The following RABGAP1 variants were observed in gnomAD, a reference collection of about 807,000 sequenced individuals.
RABGAP1 encodes RAB GTPase activating protein 1.
Under a neutral mutation model 137.6 loss-of-function variants are expected in RABGAP1, and 23 were observed. The ratio of observed to expected loss-of-function variants is 0.17; its 90% CI spans 0.12 to 0.24. The LOEUF (loss-of-function observed/expected upper bound fraction) is 0.24. Ranked by LOEUF, RABGAP1 falls within the 10% of genes least tolerant of loss-of-function variation. The pLI is 1.00. For missense variants in RABGAP1, 906 were observed against 1,275.8 expected (o/e 0.71, Z 4.42); for synonymous variants, 451 against 450.7 (o/e 1.00, Z -0.01).
At chr9:122,985,395 A>G (rs1420673931) in intron 3 of RABGAP1, among the ~76,000 whole-genome samples, 2 of 152,198 alleles carry the variant, frequency 1.3e-5, no homozygotes, top group African/African-American at 2.4e-5. Context: ...CAGGTGGATC[A>G]CAAGGTCAGG....
At chr9:123,029,302 C>A in intron 13 of RABGAP1, 3 of 590,380 alleles carry the variant, frequency 5.1e-6, no homozygotes, top group African/African-American at 1.9e-5. Flanking sequence ...GTTAATTAAT[C>A]AATGTTTAAA....
intron 24 of RABGAP1, 39 bp from the exon 25 acceptor site, chr9:123,101,527 C>T: frequency 6.3e-7 from 1 of 1,582,726 alleles, no homozygotes; most frequent in Non-Finnish European, 8.6e-7. Flanking sequence ...AGGGCCAGTT[C>T]CTCTTCTTTG....
At chr9:122,975,471 G>A (rs551523430) in intron 2 of RABGAP1, among the ~76,000 whole-genome samples, 11 of 152,286 alleles carry the variant, frequency 7.2e-5, no homozygotes, top group East Asian at 1.9e-4. Flanking sequence ...CAATTCTACC[G>A]TATAAGATAT....
intron 1 of RABGAP1, among the ~76,000 whole-genome samples, chr9:122,949,693 C>CAAAAA (rs60115483): frequency 1.8e-5 from 1 of 54,816 alleles, no homozygotes; most frequent in African/African-American, 5.7e-5. Flanking sequence ...GACTCTGTCT[C>CAAAAA]AAAAAAAAAA....
At chr9:123,069,135 T>C (rs527431423) in intron 14 of RABGAP1, among the ~76,000 whole-genome samples, 1 of 152,304 alleles carries the variant, frequency 6.6e-6, no homozygotes, top group South Asian at 2.1e-4. Context: ...CAATATTCTA[T>C]TCAAAATAAT....
chr9:123,018,323 A>G (rs1398252889), intron 12 of RABGAP1, among the ~76,000 whole-genome samples: 2 of 152,264 alleles, frequency 1.3e-5, no homozygotes, highest in Non-Finnish European at 1.5e-5. Context: ...AATATTATCA[A>G]TGAGATGAAA....
chr9:122,960,487 C>T (rs573365940), intron 2 of RABGAP1, among the ~76,000 whole-genome samples: 6 of 152,278 alleles, frequency 3.9e-5, no homozygotes, highest in African/African-American at 1.4e-4. Context: ...ACAATGGAAT[C>T]TACAAAAATC....
chr9:123,089,783 A>G lies in RABGAP1; in HGVS notation c.2450A>G (p.Tyr817Cys), dbSNP rs537081519. Residue 817 changes from tyrosine (Y) to cysteine (C), a missense_variant, in exon 20 of 26, where the codon TAC becomes TGC. Physicochemically the swap from Tyr to Cys is radical, Grantham distance 194. Transcript: ENST00000373647. ...ATTAGTCAGAAGAAGTTGAAAAAAT[A>G]CGAGAAAGAATATCACACCATGAGG... ...MKISQKKLKK[Y>C]EKEYHTMREQ... The G allele has an allele frequency of 6.2e-7, 1 of 1,613,572 alleles. No individual in the cohort carries two copies. Among genetic ancestry groups the G allele is most frequent in the African/African-American group, 1.3e-5 (1 of 75,006 alleles).
intron 1 of RABGAP1, among the ~76,000 whole-genome samples, chr9:122,949,038 A>G (rs1834084830): frequency 6.6e-6 from 1 of 152,174 alleles, no homozygotes. Flanking sequence ...TATACTCAGT[A>G]ATTGCTTCTG....
At chr9:123,043,866 T>TTTGACC in intron 13 of RABGAP1, among the ~76,000 whole-genome samples, 1 of 152,220 alleles carries the variant, frequency 6.6e-6, no homozygotes, top group Non-Finnish European at 1.5e-5. Flanking sequence ...CTTTGTACTG[T>TTTGACC]TTGACCTTTT....
At chr9:123,056,459 A>G (rs1017364888) in intron 13 of RABGAP1, among the ~76,000 whole-genome samples, 12 of 151,968 alleles carry the variant, frequency 7.9e-5, no homozygotes, top group East Asian at 5.8e-4. Flanking sequence ...TCCAAAAACA[A>G]GGATTATGCT....
intron 13 of RABGAP1, among the ~76,000 whole-genome samples, chr9:123,032,497 A>C (rs2032358148): frequency 6.6e-6 from 1 of 152,238 alleles, no homozygotes; most frequent in African/African-American, 2.4e-5. Flanking sequence ...TGGCCAGACA[A>C]CTGCTGCTGC....
Position 122,989,375 on chromosome 9 carries a change from T to C in RABGAP1, c.669T>C (p.Asp223=), listed in dbSNP as rs1364815734. 64 of 1,613,876 alleles carry C rather than the reference T, an allele frequency of 4.0e-5. No individual in the cohort carries two copies. Among genetic ancestry groups the C allele is most frequent in the Non-Finnish European group, 5.1e-5 (60 of 1,179,918 alleles). ...TCCTCTTCTGTGTCAGAGGGCATGATGGAACTCCTGAGAGTGACTGTTTTG... is the reference window on the plus strand; with the variant it reads ...TCCTCTTCTGTGTCAGAGGGCATGACGGAACTCCTGAGAGTGACTGTTTTG... ...YKILFCVRGH[D]GTPESDCFAF... Residue 223 remains aspartate, a synonymous_variant, in exon 5 of 26, where the codon GAT becomes GAC. Transcript: ENST00000373647.
intron 12 of RABGAP1, 48 bp from the exon 13 acceptor site, chr9:123,020,261 G>T (rs763909660): frequency 2.2e-6 from 3 of 1,365,532 alleles, no homozygotes; most frequent in Non-Finnish European, 1.9e-6. Context: ...ATTCTTTAGA[G>T]AATCTTATCT....
At chr9:123,064,613 C>T (rs745522662) in intron 13 of RABGAP1, among the ~76,000 whole-genome samples, 10 of 152,184 alleles carry the variant, frequency 6.6e-5, no homozygotes, top group Non-Finnish European at 1.0e-4. Context: ...GGTCATATTT[C>T]TGTGTTCCAG....
At position 123,101,557 on chromosome 9, in the gene RABGAP1, C is replaced by G; in HGVS notation, c.2890-9C>G. 6.2e-7 allele frequency: 1 copy of G among 1,612,196 alleles called. No homozygotes were observed. Among genetic ancestry groups the G allele is most frequent in the South Asian group, 1.1e-5 (1 of 90,742 alleles). Reference sequence around the variant, plus strand: ...TCTTTGCCTCTTCACATCTAACATTCAATTTCAGCAAAAAGTGGATGACTG... The same window carrying G: ...TCTTTGCCTCTTCACATCTAACATTGAATTTCAGCAAAAAGTGGATGACTG... On this transcript the variant is annotated splice_polypyrimidine_tract_variant and intron_variant, in intron 24 of 25. Transcript: ENST00000373647.
chr9:123,034,618 G>A (rs201170939), intron 13 of RABGAP1: 3 of 1,611,872 alleles, frequency 1.9e-6, no homozygotes, highest in South Asian at 2.2e-5. Flanking sequence ...TTGCCTCTTG[G>A]CATTTGGCTA....
intron 2 of RABGAP1, among the ~76,000 whole-genome samples, chr9:122,981,306 T>G (rs1025176559): frequency 9.2e-5 from 14 of 152,212 alleles, no homozygotes; most frequent in Admixed American, 8.5e-4. Flanking sequence ...GATTATAGGT[T>G]TGAGCCACTG....
chr9:122,957,947 ATCTC>A (rs556253180), intron 2 of RABGAP1, among the ~76,000 whole-genome samples: 2 of 149,816 alleles, frequency 1.3e-5, no homozygotes, highest in African/African-American at 2.5e-5. Context: ...GCTCAACAGC[ATCTC>A]TCTCTCTCTC....
Sources: gnomAD v4.1 joint callset for allele counts (sites outside exome capture counted in the v4.1 genomes callset) on GRCh38, gnomAD v4.1.1 for gene constraint, MANE v1.5 for transcripts, NCBI Gene and HGNC (gene_info 2026-07-23, HGNC 2026-07-21) for gene names.